The following RPH3AL variants were observed in gnomAD, a reference collection of about 807,000 sequenced individuals.
The protein encoded by RPH3AL is rabphilin 3A like (without C2 domains), also known as rab effector Noc2.
Under a neutral mutation model 43.1 loss-of-function variants are expected in RPH3AL, and 38 were observed. That is an observed-to-expected ratio of 0.88 (90% confidence interval 0.68 to 1.15). RPH3AL has a LOEUF of 1.15. Among genes scored for constraint, RPH3AL ranks in the 50% most tolerant of loss-of-function variants. The pLI, the probability that RPH3AL is intolerant of heterozygous loss-of-function variation, is 0.00. For synonymous variants in RPH3AL, 189 were observed against 176.3 expected (o/e 1.07, Z -0.57); for missense variants, 462 against 423.2 (o/e 1.09, Z -0.81).
intron 2 of RPH3AL, among the ~76,000 whole-genome samples, chr17:330,140 G>A (rs1314356413): frequency 6.6e-6 from 1 of 152,242 alleles, no homozygotes; most frequent in Non-Finnish European, 1.5e-5. Context: ...ATGACCAGCA[G>A]AGGTAACATG....
intron 6 of RPH3AL, among the ~76,000 whole-genome samples, chr17:272,712 G>A (rs1054660755): frequency 1.3e-4 from 20 of 150,616 alleles, no homozygotes; most frequent in African/African-American, 1.9e-4. Flanking sequence ...CAGATGTAAC[G>A]AACCTGCACA....
chr17:297,296 C>G (rs899638805), intron 5 of RPH3AL, among the ~76,000 whole-genome samples: 6 of 152,230 alleles, frequency 3.9e-5, no homozygotes, highest in African/African-American at 1.4e-4. Context: ...CGTCATAAAC[C>G]AGTCAACATA....
chr17:306,552 C>G (rs1428063896), intron 5 of RPH3AL: 1 of 152,250 alleles, frequency 6.6e-6, no homozygotes, highest in Non-Finnish European at 1.5e-5. Flanking sequence ...TAACTCCTGT[C>G]TTCAGAGTCT....
intron 5 of RPH3AL, among the ~76,000 whole-genome samples, chr17:305,787 G>GT (rs2043471125): frequency 6.6e-6 from 1 of 151,746 alleles, no homozygotes; most frequent in Admixed American, 6.6e-5. Flanking sequence ...CACTCACATC[G>GT]CCCCATGACA....
chr17:268,883 ATTAT>A (rs2042387261), intron 6 of RPH3AL, among the ~76,000 whole-genome samples: 1 of 151,062 alleles, frequency 6.6e-6, no homozygotes, highest in African/African-American at 2.4e-5. Context: ...TTTTTTATTT[ATTAT>A]TATTTTTTTG....
rs114050215 is a variant in RPH3AL at position 297,383 on chromosome 17, C to T, written c.352-15529G>A. Among the ~76,000 whole-genome samples the T allele has an allele frequency of 6.1e-3, 928 of 152,324 alleles. 14 individuals carry two copies. Among genetic ancestry groups the T allele is most frequent in the African/African-American group, 0.02 (836 of 41,564 alleles). On this transcript the variant is annotated intron_variant, in intron 5 of 9. Transcript: ENST00000331302. The stretch of plus-strand genomic sequence containing the variant: ...CCCAAAGTATGGGTTGTGGGAACCC[C>T]GATTCACAGCCAGCTGCTCAGAAGT...
chr17:283,327 C>T lies in RPH3AL; in HGVS notation c.352-1473G>A, dbSNP rs565277871. The stretch of plus-strand genomic sequence containing the variant: ...GAGGTCACTGGCCTGATCGGGTGGC[C>T]GAGCTCAGTGCCCCTGGGGTGGGGG... On this transcript the variant is annotated intron_variant, in intron 5 of 9. Coordinates refer to ENST00000331302, the MANE Select transcript of RPH3AL (RefSeq NM_006987.4). This position sits in a 1 kb window ranked among gnomAD's most constrained non-coding sequence, Gnocchi z 4.2. Among the ~76,000 whole-genome samples, 2 of 152,138 alleles carry T rather than the reference C, an allele frequency of 1.3e-5. No homozygotes were observed. The highest frequency in any genetic ancestry group is 2.4e-5 in the African/African-American group (1 of 41,436).
At chr17:331,735 G>A (rs766099076) in intron 2 of RPH3AL, 17 of 1,288,524 alleles carry the variant, frequency 1.3e-5, no homozygotes, top group Admixed American at 2.3e-5. Context: ...AACTATGCTC[G>A]CCACCACTCA....
chr17:315,686 C>CTGTAGTCCCTGTGCT (rs2044042388), intron 5 of RPH3AL, among the ~76,000 whole-genome samples: 1 of 151,646 alleles, frequency 6.6e-6, no homozygotes, highest in Non-Finnish European at 1.5e-5. Flanking sequence ...TCCCTGTGAC[C>CTGTAGTCCCTGTGCT]CCACCTCCAT....
chr17:306,236 C>G (rs919878692), intron 5 of RPH3AL, among the ~76,000 whole-genome samples: 3 of 151,920 alleles, frequency 2.0e-5, no homozygotes, highest in Admixed American at 1.3e-4. Flanking sequence ...CCCCCTGGAA[C>G]CCCAGCTCCA....
chr17:317,572 GC>G (rs1171270433), intron 5 of RPH3AL, among the ~76,000 whole-genome samples: 1 of 151,946 alleles, frequency 6.6e-6, no homozygotes, highest in Non-Finnish European at 1.5e-5. Context: ...GTAGTCCAGG[GC>G]CTTGGCAAGG....
At chr17:327,143 CT>C (rs141445676) in intron 3 of RPH3AL, among the ~76,000 whole-genome samples, 4,060 of 152,272 alleles carry the variant, frequency 0.027, 171 homozygotes, top group African/African-American at 0.092. Flanking sequence ...GTGTGGGTCC[CT>C]TACAGCCTGT....
chr17:245,344 AGTGTGTATGTGGATGTCAGT>A lies in RPH3AL; in HGVS notation c.613+1747_613+1766del, dbSNP rs1391167661. Among the ~76,000 whole-genome samples the A allele has an allele frequency of 9.7e-6, 1 of 103,550 alleles. No individual in the cohort carries two copies. The highest frequency in any genetic ancestry group is 2.1e-5 in the Non-Finnish European group (1 of 48,288). 67.9% of individuals were successfully genotyped at this position (103,550 alleles called of 152,430 possible). Reference sequence around the variant, plus strand: ...ATGTCAGTGTGTGTGTGTGGATGTGAGTGTGTATGTGGATGTCAGTGTGTGTGTGTGGATGTCAGTGTGTG... The same window carrying A: ...ATGTCAGTGTGTGTGTGTGGATGTGAGTGTGTGTGTGGATGTCAGTGTGTG... On this transcript the variant is annotated intron_variant, in intron 7 of 9. Coordinates refer to ENST00000331302, the MANE Select transcript of RPH3AL (RefSeq NM_006987.4). The surrounding 1 kb of genome is among the most constrained non-coding windows in gnomAD (Gnocchi z 5.9).
chr17:227,370 GC>G (rs35237226), intron 7 of RPH3AL, among the ~76,000 whole-genome samples: 67,162 of 149,306 alleles, frequency 0.45, 16,119 homozygotes, highest in African/African-American at 0.54. Context: ...TTTCTTGACT[GC>G]CTCAAAGGAC....
intron 7 of RPH3AL, among the ~76,000 whole-genome samples, chr17:233,637 T>C (rs545211868): frequency 6.6e-6 from 1 of 152,324 alleles, no homozygotes. Context: ...GGCCCTTCCC[T>C]TCTGAGAGAA....
At chr17:293,168 C>G (rs1378462910) in intron 5 of RPH3AL, among the ~76,000 whole-genome samples, 3 of 152,180 alleles carry the variant, frequency 2.0e-5, no homozygotes, top group Non-Finnish European at 4.4e-5. Context: ...AGCCCCCAGC[C>G]ACCTCTCCCA....
At chr17:244,936 G>C (rs1196408654) in intron 7 of RPH3AL, among the ~76,000 whole-genome samples, 2 of 152,116 alleles carry the variant, frequency 1.3e-5, no homozygotes, top group African/African-American at 4.8e-5. Flanking sequence ...TGTAACGCTA[G>C]TGTGTGTACA....
chr17:331,334 C>G, intron 2 of RPH3AL: 1 of 41,784 alleles, frequency 2.4e-5, no homozygotes, highest in African/African-American at 1.1e-4. Context: ...AAGGATGTCG[C>G]CTCCAGAGCT....
chr17:278,425 C>T (rs2042708008), intron 6 of RPH3AL, among the ~76,000 whole-genome samples: 1 of 152,164 alleles, frequency 6.6e-6, no homozygotes, highest in African/African-American at 2.4e-5. Context: ...AACCTCTCCC[C>T]AGCCCCAACT....
Sources: gnomAD v4.1 joint callset for allele counts (sites outside exome capture counted in the v4.1 genomes callset) on GRCh38, gnomAD v4.1.1 for gene constraint, Gnocchi (gnomAD v3.1) non-coding constraint, MANE v1.5 for transcripts, NCBI Gene and HGNC (gene_info 2026-07-23, HGNC 2026-07-21) for gene names.